The following ABCC4 variants were observed in gnomAD, a reference collection of about 807,000 sequenced individuals.
The protein encoded by ABCC4 is ATP-binding cassette sub-family C member 4.
Under a neutral mutation model 168.5 loss-of-function variants are expected in ABCC4, and 102 were observed. That is an observed-to-expected ratio of 0.61 (90% CI 0.52 to 0.71). The LOEUF (loss-of-function observed/expected upper bound fraction) is 0.71, where lower values mean the gene tolerates loss of function less well. Ranked by LOEUF, ABCC4 falls within the 30% of genes least tolerant of loss-of-function variation. ABCC4 has a pLI of 0.00. For missense variants in ABCC4, 1,402 were observed against 1,605.8 expected (o/e 0.87, Z 2.17); for synonymous variants, 617 against 590.7 (o/e 1.04, Z -0.65).
intron 11 of ABCC4, among the ~76,000 whole-genome samples, chr13:95,178,928 G>C (rs565973260): frequency 4.1e-4 from 62 of 152,300 alleles, no homozygotes; most frequent in Middle Eastern, 3.4e-3. Context: ...TTTGTGTTGT[G>C]ATAGAAAAAG....
chr13:95,158,412 C>T (rs1021312014), intron 19 of ABCC4, among the ~76,000 whole-genome samples: 7 of 152,146 alleles, frequency 4.6e-5, no homozygotes, highest in African/African-American at 1.7e-4. Flanking sequence ...ATATGAGGGA[C>T]GTCTAGCCAG....
At chr13:95,219,172 T>A (rs1338333226) in intron 4 of ABCC4, among the ~76,000 whole-genome samples, 3 of 152,144 alleles carry the variant, frequency 2.0e-5, no homozygotes, top group African/African-American at 7.2e-5. Context: ...GAGAGTAATC[T>A]GTTCAAAGGG....
At chr13:95,149,386 G>C (rs920304941) in intron 19 of ABCC4, among the ~76,000 whole-genome samples, 5 of 152,138 alleles carry the variant, frequency 3.3e-5, no homozygotes, top group Admixed American at 2.0e-4. Context: ...TTCATGCTAA[G>C]TAATAGGGAG....
chr13:95,189,350 T>C (rs905277173), intron 9 of ABCC4, among the ~76,000 whole-genome samples: 101 of 151,880 alleles, frequency 6.6e-4, no homozygotes, highest in Non-Finnish European at 9.4e-4. Context: ...CTCGATCTCC[T>C]GACCTCGTGA....
At chr13:95,298,875 G>A (rs2041603610) in intron 1 of ABCC4, among the ~76,000 whole-genome samples, 1 of 152,036 alleles carries the variant, frequency 6.6e-6, no homozygotes, top group African/African-American at 2.4e-5. Flanking sequence ...CTTCCATCAG[G>A]GAAACCGGAA....
chr13:95,197,700 G>T (rs1348167727), intron 8 of ABCC4, among the ~76,000 whole-genome samples: 1 of 152,172 alleles, frequency 6.6e-6, no homozygotes, highest in Non-Finnish European at 1.5e-5. Flanking sequence ...GTGGACGGTT[G>T]GCAAAAACTG....
chr13:95,074,533 C>T (rs982800932), intron 22 of ABCC4, among the ~76,000 whole-genome samples: 15 of 152,052 alleles, frequency 9.9e-5, no homozygotes, highest in Admixed American at 8.5e-4. Context: ...AGGATGCATG[C>T]GAATATGAAA....
chr13:95,210,357 T>C (rs1435176817), intron 5 of ABCC4, among the ~76,000 whole-genome samples: 1 of 152,238 alleles, frequency 6.6e-6, no homozygotes, highest in East Asian at 1.9e-4. Flanking sequence ...CTTTTGTAGT[T>C]CATGAGCATG....
chr13:95,153,703 G>C (rs1398563165), intron 19 of ABCC4, among the ~76,000 whole-genome samples: 1 of 152,092 alleles, frequency 6.6e-6, no homozygotes, highest in Non-Finnish European at 1.5e-5. Context: ...CTCCATGTAT[G>C]ATTTATTATG....
chr13:95,187,999 C>T (rs1285655709), intron 10 of ABCC4, among the ~76,000 whole-genome samples: 1 of 152,204 alleles, frequency 6.6e-6, no homozygotes, highest in Non-Finnish European at 1.5e-5. Flanking sequence ...ACTCCTAACA[C>T]AGGACTATAC....
chr13:95,078,196 G>A (rs758148125), intron 21 of ABCC4, among the ~76,000 whole-genome samples: 4 of 152,118 alleles, frequency 2.6e-5, no homozygotes, highest in East Asian at 1.9e-4. Context: ...AGCCTCCCAC[G>A]AGTCCACAGG....
intron 11 of ABCC4, among the ~76,000 whole-genome samples, chr13:95,183,476 G>A (rs11839908): frequency 0.014 from 2,058 of 152,208 alleles, 38 homozygotes; most frequent in East Asian, 0.099. Flanking sequence ...AGGATCCCTG[G>A]TTTCTTCCAG....
chr13:95,176,525 T>G (rs2037709679), intron 13 of ABCC4, among the ~76,000 whole-genome samples: 5 of 152,096 alleles, frequency 3.3e-5, no homozygotes. Context: ...TAGATTGTCC[T>G]ATATTGAAAT....
chr13:95,215,976 CAT>C (rs1426909390), intron 4 of ABCC4, among the ~76,000 whole-genome samples: 3 of 152,150 alleles, frequency 2.0e-5, no homozygotes, highest in Admixed American at 2.0e-4. Context: ...TTAGTGTAAT[CAT>C]ATATCTGTGT....
At position 95,034,709 on chromosome 13, in the gene ABCC4, CAT is replaced by C; in HGVS notation, c.3764_3765del (p.Tyr1255Ter). On this transcript the variant is annotated frameshift_variant, in exon 30 of 31. Coordinates refer to ENST00000645237, the MANE Select transcript of ABCC4 (RefSeq NM_005845.5). LOFTEE classifies it high-confidence loss of function. ...MVLDSGRLKEYDEPYVLLQNK... is the reference protein window; with the variant it reads ...MVLDSGRLKEXDEPYVLLQNK... ...TTTTGCAGCAAAACATACGGCTCAT[CAT>C]ATTCTTTCAGTCTTCCTGAATCTAA... The C allele has an allele frequency of 6.2e-7, 1 of 1,614,192 alleles. No individual in the cohort carries two copies. Among genetic ancestry groups the C allele is most frequent in the South Asian group, 1.1e-5 (1 of 91,084 alleles).
chr13:95,028,057 A>G (rs1161097172), intron 30 of ABCC4, among the ~76,000 whole-genome samples: 3 of 149,886 alleles, frequency 2.0e-5, no homozygotes, highest in Non-Finnish European at 4.5e-5. Flanking sequence ...CCATTACACG[A>G]ATCAAAGAAA....
intron 30 of ABCC4, among the ~76,000 whole-genome samples, chr13:95,029,355 G>A (rs2031758242): frequency 6.6e-6 from 1 of 151,120 alleles, no homozygotes; most frequent in African/African-American, 2.4e-5. Flanking sequence ...ATAATATTAA[G>A]TGAAAAACCG....
intron 20 of ABCC4, among the ~76,000 whole-genome samples, chr13:95,111,842 G>A (rs2035214929): frequency 6.6e-6 from 1 of 152,096 alleles, no homozygotes; most frequent in Admixed American, 6.6e-5. Flanking sequence ...TCTGTGCATG[G>A]TTTCAGACTT....
intron 19 of ABCC4, among the ~76,000 whole-genome samples, chr13:95,128,560 T>C (rs1225071585): frequency 2.0e-5 from 3 of 152,198 alleles, no homozygotes; most frequent in African/African-American, 7.2e-5. Flanking sequence ...ACTGAAAAAG[T>C]AAAGAGCTGG....
Sources: gnomAD v4.1 joint callset for allele counts (sites outside exome capture counted in the v4.1 genomes callset) on GRCh38, gnomAD v4.1.1 for gene constraint, MANE v1.5 for transcripts, NCBI Gene and HGNC (gene_info 2026-07-23, HGNC 2026-07-21) for gene names.